GRK3: variants seen among roughly 807,000 people sequenced by gnomAD.
GRK3 encodes G protein-coupled receptor kinase 3, also known as adrenergic, beta, receptor kinase 2.
In GRK3, 54 loss-of-function variants were observed where a neutral mutation model predicts 95.7. That is an observed-to-expected ratio of 0.56 (90% CI 0.45 to 0.71). The LOEUF (loss-of-function observed/expected upper bound fraction) is 0.71. GRK3 is among the 30% of genes least tolerant of loss of function. GRK3 has a pLI of 0.00. For synonymous variants in GRK3, 281 were observed against 290.8 expected (o/e 0.97, Z 0.34); for missense variants, 649 against 851.2 (o/e 0.76, Z 2.96).
At chr22:25,681,350 G>C (rs1288094353) in intron 9 of GRK3, among the ~76,000 whole-genome samples, 3 of 152,190 alleles carry the variant, frequency 2.0e-5, no homozygotes, top group African/African-American at 7.2e-5. Context: ...GGCACACAGT[G>C]CTCGGAAGGC....
chr22:25,686,217 G>A (rs2085112652), intron 10 of GRK3, among the ~76,000 whole-genome samples: 2 of 147,368 alleles, frequency 1.4e-5, no homozygotes, highest in Non-Finnish European at 1.5e-5. Context: ...GCGAGACTCC[G>A]TCTCAAAAAA....
intron 17 of GRK3, among the ~76,000 whole-genome samples, chr22:25,712,984 C>G (rs1345211492): frequency 1.3e-5 from 2 of 152,178 alleles, no homozygotes. Context: ...AATACATTTT[C>G]TTTAAAAGGG....
chr22:25,599,577 G>A (rs1218635785), intron 1 of GRK3, among the ~76,000 whole-genome samples: 1 of 143,786 alleles, frequency 7.0e-6, no homozygotes, highest in East Asian at 2.0e-4. Flanking sequence ...AGGTGACAGA[G>A]CGAGACTCTG....
In GRK3 at chr22:25,565,107, A is replaced by T. The variant is rs775414488; in HGVS notation, c.67A>T (p.Thr23Ser). ...GATGGCCATGGAGAAGAGCAAGGCG[A>T]CCCCGGCCGCCCGCGCCAGCAAGAG... The part of the protein sequence containing the change: ...YLMAMEKSKA[T>S]PAARASKRIV... Residue 23 changes from threonine to serine, a missense_variant, in exon 1 of 21, where the codon ACC becomes TCC. Physicochemically the swap from Thr to Ser is moderately conservative, Grantham distance 58 (BLOSUM62 1). Transcript: ENST00000324198. 6.5e-7 allele frequency: 1 copy of T among 1,547,604 alleles called. No homozygotes were observed. Among genetic ancestry groups the T allele is most frequent in the South Asian group, 1.2e-5 (1 of 83,974 alleles).
chr22:25,681,331 T>C (rs1226362711), intron 9 of GRK3, among the ~76,000 whole-genome samples: 1 of 152,174 alleles, frequency 6.6e-6, no homozygotes, highest in Non-Finnish European at 1.5e-5. Flanking sequence ...GCAAGAGCTA[T>C]GGAAGACAGG....
Position 25,565,118 on chromosome 22 carries a change from C to A in GRK3, c.78C>A (p.Ala26=), listed in dbSNP as rs373695657. The change falls in exon 1 of 21, where the codon GCC becomes GCA. Residue 26 remains alanine, a synonymous_variant. Transcript: ENST00000324198. ...AGAAGAGCAAGGCGACCCCGGCCGC[C>A]CGCGCCAGCAAGAGGATCGTCCTGC... ...AMEKSKATPA[A]RASKRIVLPE... 17 of 1,550,148 alleles carry A rather than the reference C, an allele frequency of 1.1e-5. No homozygotes were observed. The Admixed American group carries it at 1.1e-4, about 10-fold the overall frequency.
chr22:25,658,877 G>A (rs1156901101), intron 3 of GRK3, among the ~76,000 whole-genome samples: 1 of 152,068 alleles, frequency 6.6e-6, no homozygotes, highest in East Asian at 1.9e-4. Context: ...AGAGGAGCCC[G>A]TTTGGCTGGA....
intron 1 of GRK3, among the ~76,000 whole-genome samples, chr22:25,586,898 C>CTTTTTTTTTTTT (rs59502085): frequency 6.8e-6 from 1 of 146,748 alleles, no homozygotes; most frequent in African/African-American, 2.5e-5. Context: ...CCCTTGCAAT[C>CTTTTTTTTTTTT]TTTTTTTTTT....
At chr22:25,709,517 A>G (rs1170081032) in intron 15 of GRK3, among the ~76,000 whole-genome samples, 4 of 152,082 alleles carry the variant, frequency 2.6e-5, no homozygotes, top group Non-Finnish European at 5.9e-5. Context: ...ATGTGTAAAT[A>G]TTTGCTGTAA....
At chr22:25,695,364 T>G (rs1404163014) in intron 13 of GRK3, 150 bp downstream of exon 13, 1 of 551,838 alleles carries the variant, frequency 1.8e-6, no homozygotes, top group African/African-American at 1.9e-5. Flanking sequence ...GACTCTGTCT[T>G]AGAAGAGTGA....
intron 1 of GRK3, among the ~76,000 whole-genome samples, chr22:25,591,896 T>A (rs530053038): frequency 6.6e-6 from 1 of 152,350 alleles, no homozygotes; most frequent in Admixed American, 6.5e-5. Context: ...GTGGCTATTG[T>A]GTTGCTTCCA....
chr22:25,580,115 G>A (rs1425089207), intron 1 of GRK3: 1 of 152,162 alleles, frequency 6.6e-6, no homozygotes, highest in Non-Finnish European at 1.5e-5. Flanking sequence ...CAGTTTATAG[G>A]AAATATGGAG....
At chr22:25,640,556 C>G (rs1333374770) in intron 2 of GRK3, among the ~76,000 whole-genome samples, 1 of 152,200 alleles carries the variant, frequency 6.6e-6, no homozygotes, top group Non-Finnish European at 1.5e-5. Context: ...CTGTCTTAAT[C>G]TCCTTGGCAA....
At chr22:25,617,020 A>T (rs1385663782) in intron 2 of GRK3, among the ~76,000 whole-genome samples, 1 of 152,296 alleles carries the variant, frequency 6.6e-6, no homozygotes, top group African/African-American at 2.4e-5. Flanking sequence ...ACGGGTGTGA[A>T]TCAGGAGTGA....
At chr22:25,639,297 T>G (rs1281271397) in intron 2 of GRK3, among the ~76,000 whole-genome samples, 3 of 152,220 alleles carry the variant, frequency 2.0e-5, no homozygotes, top group African/African-American at 7.2e-5. Flanking sequence ...CTATATATAT[T>G]CTAGAAGCAT....
At chr22:25,676,936 A>G (rs913241387) in intron 8 of GRK3, among the ~76,000 whole-genome samples, 3 of 152,146 alleles carry the variant, frequency 2.0e-5, no homozygotes, top group African/African-American at 7.2e-5. Context: ...CCATCAGTGA[A>G]CCACAAGGTG....
intron 12 of GRK3, among the ~76,000 whole-genome samples, chr22:25,691,445 A>G (rs945263969): frequency 2.0e-5 from 3 of 152,256 alleles, no homozygotes; most frequent in Non-Finnish European, 4.4e-5. Flanking sequence ...ATTGCCTTTT[A>G]AAGCTCTGAT....
intron 11 of GRK3, 72 bp downstream of exon 11, chr22:25,687,739 T>G (rs576541375): frequency 1.0e-4 from 160 of 1,523,940 alleles, no homozygotes; most frequent in Non-Finnish European, 1.4e-4. Context: ...TCCCCTTCTA[T>G]TTCATAGAGT....
At chr22:25,699,458 G>A (rs565373776) in intron 13 of GRK3, among the ~76,000 whole-genome samples, 67 of 152,082 alleles carry the variant, frequency 4.4e-4, no homozygotes, top group Non-Finnish European at 7.4e-4. Context: ...CTTGGGAAGT[G>A]GCTGCTACTG....
Sources: allele counts gnomAD v4.1 joint callset (sites outside exome capture counted in the v4.1 genomes callset), GRCh38; gene constraint gnomAD v4.1.1; transcripts MANE v1.5; gene names NCBI Gene and HGNC (gene_info 2026-07-23, HGNC 2026-07-21).